KCNIP1: variants seen among roughly 807,000 people sequenced by gnomAD.
The protein encoded by KCNIP1 is potassium voltage-gated channel interacting protein 1.
In KCNIP1, 18 loss-of-function variants were observed where a neutral mutation model predicts 33.0. That is an observed-to-expected ratio of 0.55 (90% CI 0.38 to 0.81). The LOEUF is 0.81. KCNIP1 is among the 30% of genes least tolerant of loss of function. The pLI, the probability that KCNIP1 is intolerant of heterozygous loss-of-function variation, is 0.00. For missense variants in KCNIP1, 238 were observed against 271.6 expected, an observed-to-expected ratio of 0.88 and a Z score of 0.87; for synonymous variants, 93 against 98.3, an observed-to-expected ratio of 0.95 and a Z score of 0.32.
intron 1 of KCNIP1, among the ~76,000 whole-genome samples, chr5:170,514,395 C>T (rs1755051353): frequency 6.6e-6 from 1 of 152,188 alleles, no homozygotes; most frequent in Non-Finnish European, 1.5e-5. Context: ...GAGGCTTCCC[C>T]ACCCATCGAA....
intron 5 of KCNIP1, among the ~76,000 whole-genome samples, chr5:170,727,103 A>T (rs552504474): frequency 6.6e-6 from 1 of 152,356 alleles, no homozygotes; most frequent in Admixed American, 6.5e-5. Context: ...TGTTCATCCA[A>T]TGGAATATTA....
intron 1 of KCNIP1, among the ~76,000 whole-genome samples, chr5:170,424,202 G>A (rs548070082): frequency 6.6e-6 from 1 of 152,214 alleles, no homozygotes; most frequent in Non-Finnish European, 1.5e-5. Context: ...GGTAGCAGGA[G>A]ACTGAGGGAG....
intron 1 of KCNIP1, among the ~76,000 whole-genome samples, chr5:170,653,015 T>A (rs1025955064): frequency 1.2e-4 from 19 of 152,166 alleles, no homozygotes; most frequent in African/African-American, 4.3e-4. Context: ...TCTTCATTTT[T>A]CTTGTTTGGA....
chr5:170,357,176 A>C (rs1453923348), intron 1 of KCNIP1, among the ~76,000 whole-genome samples: 8 of 151,844 alleles, frequency 5.3e-5, no homozygotes, highest in Non-Finnish European at 1.2e-4. Context: ...TGAGGAGCAC[A>C]GTTGGTTTCT....
chr5:170,426,247 TCACACACA>T lies in KCNIP1; in HGVS notation c.88+72302_88+72309del. ...CTAATGCTTTGTGACTCAAAAGGAATCACACACACACACACACACACACACAAACACAC... is the reference window on the plus strand; with the variant it reads ...CTAATGCTTTGTGACTCAAAAGGAATCACACACACACACACACAAACACAC... On this transcript the variant is annotated intron_variant, in intron 1 of 7. Coordinates refer to the KCNIP1 transcript ENST00000377360. 2.0e-5 allele frequency among the ~76,000 whole-genome samples: 3 copies of T among 149,272 alleles called. No homozygotes were observed. The East Asian group carries it at 5.9e-4, about 29-fold the overall frequency.
At chr5:170,480,934 G>C (rs1003525629) in intron 1 of KCNIP1, among the ~76,000 whole-genome samples, 1 of 151,894 alleles carries the variant, frequency 6.6e-6, no homozygotes, top group South Asian at 2.1e-4. Flanking sequence ...AGTGCCTATC[G>C]ATGCTTAATA....
intron 1 of KCNIP1, among the ~76,000 whole-genome samples, chr5:170,581,055 C>G (rs1018009757): frequency 1.3e-5 from 2 of 152,180 alleles, no homozygotes; most frequent in African/African-American, 4.8e-5. Flanking sequence ...TCTCAAGCAG[C>G]ACACTGAGCC....
intron 1 of KCNIP1, among the ~76,000 whole-genome samples, chr5:170,625,704 A>G (rs552155226): frequency 4.6e-5 from 7 of 152,278 alleles, no homozygotes; most frequent in African/African-American, 1.4e-4. Context: ...CTTCCCATTC[A>G]TTATCCCCAG....
In KCNIP1 at chr5:170,513,392, T is replaced by G. The variant is rs185412459; in HGVS notation, c.61+8759T>G. Among the ~76,000 whole-genome samples, 4 of 152,342 alleles carry G rather than the reference T, an allele frequency of 2.6e-5. No individual in the cohort carries two copies. The East Asian group carries it at 7.7e-4, about 29-fold the overall frequency. On this transcript the variant is annotated intron_variant, in intron 1 of 7. Transcript: ENST00000328939. ...TGTTAAGAAGTCAGATTTCCAGATTTGCATTTCTGCAATCAAGCTTGTCTG... is the reference window on the plus strand; with the variant it reads ...TGTTAAGAAGTCAGATTTCCAGATTGGCATTTCTGCAATCAAGCTTGTCTG...
At chr5:170,735,370 A>G (rs547424148) in intron 7 of KCNIP1, among the ~76,000 whole-genome samples, 1 of 152,318 alleles carries the variant, frequency 6.6e-6, no homozygotes, top group South Asian at 2.1e-4. Flanking sequence ...GACTTATCAA[A>G]ATTTGTAGGA....
At position 170,650,425 on chromosome 5, in the gene KCNIP1, G is replaced by T. The variant is rs144954875; in HGVS notation, c.62-68333G>T. ...CTACAGTTTTATCTAAATCAGCCAC[G>T]CAGTATGCATTCTTGTCTGGCTTCT... On this transcript the variant is annotated intron_variant, in intron 1 of 7. Coordinates refer to ENST00000328939, the MANE Select transcript of KCNIP1 (RefSeq NM_014592.4). Among the ~76,000 whole-genome samples the T allele has an allele frequency of 1.1e-4, 16 of 150,354 alleles. 1 individual carries two copies. Among genetic ancestry groups the T allele is most frequent in the African/African-American group, 3.4e-4 (14 of 41,118 alleles).
intron 1 of KCNIP1, among the ~76,000 whole-genome samples, chr5:170,577,616 A>G (rs965818075): frequency 6.6e-6 from 1 of 152,224 alleles, no homozygotes; most frequent in African/African-American, 2.4e-5. Flanking sequence ...ACAAAGAAAC[A>G]GTGTTTTCTC....
At chr5:170,433,886 C>T (rs543520942) in intron 1 of KCNIP1, among the ~76,000 whole-genome samples, 172 of 152,334 alleles carry the variant, frequency 1.1e-3, no homozygotes, top group African/African-American at 4.0e-3. Flanking sequence ...GTGGGGGACC[C>T]TCTTCCAGGC....
chr5:170,519,118 G>A (rs1755261350), intron 1 of KCNIP1, among the ~76,000 whole-genome samples: 1 of 152,158 alleles, frequency 6.6e-6, no homozygotes, highest in Non-Finnish European at 1.5e-5. Context: ...TAGGGGTGTG[G>A]CATATAGTGA....
intron 1 of KCNIP1, among the ~76,000 whole-genome samples, chr5:170,605,504 C>G (rs1758871671): frequency 6.6e-6 from 1 of 152,184 alleles, no homozygotes; most frequent in Admixed American, 6.5e-5. Flanking sequence ...CAACGGCATG[C>G]AGCCATCACC....
chr5:170,527,315 C>T (rs1755616531), intron 1 of KCNIP1, among the ~76,000 whole-genome samples: 1 of 152,146 alleles, frequency 6.6e-6, no homozygotes, highest in African/African-American at 2.4e-5. Flanking sequence ...CTTGAGTCAA[C>T]TAAGCAAATA....
chr5:170,598,932 TGTGTGTGTG>T (rs1195090870), intron 1 of KCNIP1, among the ~76,000 whole-genome samples: 11 of 151,284 alleles, frequency 7.3e-5, no homozygotes, highest in East Asian at 3.9e-4. Flanking sequence ...TGTGTGTGTG[TGTGTGTGTG>T]TTTGGTGGGG....
In KCNIP1 at chr5:170,596,551, C is replaced by T. The variant is rs888001166; in HGVS notation, c.61+91918C>T. On this transcript the variant is annotated intron_variant, in intron 1 of 7. Coordinates refer to ENST00000328939, the MANE Select transcript of KCNIP1 (RefSeq NM_014592.4). ...GCACAATAGAGGAAACACCACCCCACGTAGCATGGAGCCATGGAGAGAGCA... is the reference window on the plus strand; with the variant it reads ...GCACAATAGAGGAAACACCACCCCATGTAGCATGGAGCCATGGAGAGAGCA... Among the ~76,000 whole-genome samples the T allele has an allele frequency of 3.9e-5, 6 of 152,346 alleles. 1 individual carries two copies. Among genetic ancestry groups the T allele is most frequent in the South Asian group, 4.1e-4 (2 of 4,828 alleles).
At chr5:170,384,670 G>T (rs530020968) in intron 1 of KCNIP1, among the ~76,000 whole-genome samples, 1 of 152,234 alleles carries the variant, frequency 6.6e-6, no homozygotes, top group Non-Finnish European at 1.5e-5. Context: ...CTAAGGACAG[G>T]CTGGGGGAAC....
Sources: allele counts gnomAD v4.1 joint callset (sites outside exome capture counted in the v4.1 genomes callset), GRCh38; gene constraint gnomAD v4.1.1; transcripts MANE v1.5; gene names NCBI Gene and HGNC (gene_info 2026-07-23, HGNC 2026-07-21).